TRIM49: variants seen among roughly 807,000 people sequenced by gnomAD.
The protein encoded by TRIM49 is tripartite motif-containing protein 49.
Under a neutral mutation model 27.4 loss-of-function variants are expected in TRIM49, and 5 were observed. That is an observed-to-expected ratio of 0.18 (90% CI 0.10 to 0.38). TRIM49 has a LOEUF of 0.38. TRIM49 is among the 10% of genes least tolerant of loss of function. TRIM49 has a pLI of 1.00. For synonymous variants in TRIM49, 69 were observed against 166.0 expected, an observed-to-expected ratio of 0.42 and a Z score of 4.49; for missense variants, 188 against 487.5, an observed-to-expected ratio of 0.39 and a Z score of 5.79.
At chr11:89,782,097 G>A in the TRIM49 span, 3 of 1,550,432 alleles carry the variant, frequency 1.9e-6, no homozygotes, top group Non-Finnish European at 2.6e-6. Flanking sequence ...CTGGGAGTCT[G>A]TCGAGATTCC....
the TRIM49 span, among the ~76,000 whole-genome samples, chr11:89,785,651 CAAT>C: frequency 1.4e-5 from 2 of 144,760 alleles, 1 homozygote; most frequent in African/African-American, 5.5e-5. Flanking sequence ...ATATAAATTA[CAAT>C]AATTAAAATT....
At chr11:89,807,458 C>T (rs1370860043) in intron 1 of TRIM49, among the ~76,000 whole-genome samples, 174 bp from the exon 2 acceptor site, 1 of 151,368 alleles carries the variant, frequency 6.6e-6, no homozygotes, top group Non-Finnish European at 1.5e-5. Context: ...AACATAAATC[C>T]TGTCAGAGCA....
chr11:89,800,750 A>T (rs1431716725), intron 6 of TRIM49, among the ~76,000 whole-genome samples: 1 of 151,014 alleles, frequency 6.6e-6, no homozygotes, highest in Admixed American at 6.6e-5. Context: ...CTCAAAAAAA[A>T]AACAAAAGCA....
At chr11:89,806,301 G>A (rs1462848436) in intron 2 of TRIM49, among the ~76,000 whole-genome samples, 3 of 150,812 alleles carry the variant, frequency 2.0e-5, no homozygotes, top group Non-Finnish European at 4.4e-5. Context: ...GCCCATGAAT[G>A]TATCTGCACA....
At chr11:89,803,524 A>G (rs1323756160) in intron 4 of TRIM49, among the ~76,000 whole-genome samples, 174 bp downstream of exon 4, 1 of 151,546 alleles carries the variant, frequency 6.6e-6, no homozygotes, top group African/African-American at 2.4e-5. Context: ...ATCCTACCTA[A>G]CAGGCATACT....
chr11:89,767,953 C>T, the TRIM49 span, among the ~76,000 whole-genome samples: 79 of 137,578 alleles, frequency 5.7e-4, 15 homozygotes, highest in African/African-American at 2.4e-3. Context: ...AATGGTTCTA[C>T]GTCCTAAAAA....
chr11:89,800,545 C>G (rs1454302795), intron 6 of TRIM49, among the ~76,000 whole-genome samples: 52 of 151,052 alleles, frequency 3.4e-4, no homozygotes, highest in East Asian at 3.3e-3. Flanking sequence ...AGATAGAGAC[C>G]ATCCTGGCTA....
the TRIM49 span, among the ~76,000 whole-genome samples, chr11:89,767,835 C>T: frequency 7.4e-6 from 1 of 136,004 alleles, no homozygotes; most frequent in East Asian, 2.1e-4. Context: ...TCAAATCAGT[C>T]ATTAACTGCA....
the TRIM49 span, among the ~76,000 whole-genome samples, chr11:89,785,248 A>G: frequency 6.9e-6 from 1 of 145,196 alleles, no homozygotes; most frequent in African/African-American, 2.7e-5. Flanking sequence ...AAATAAATAA[A>G]TAAATAAATA....
the TRIM49 span, among the ~76,000 whole-genome samples, chr11:89,792,542 G>C: frequency 6.6e-6 from 1 of 152,208 alleles, no homozygotes; most frequent in Non-Finnish European, 1.5e-5. Context: ...ATAACAAACT[G>C]TCTCTCAGAC....
the TRIM49 span, among the ~76,000 whole-genome samples, chr11:89,770,598 G>A: frequency 1.4e-5 from 2 of 142,210 alleles, no homozygotes; most frequent in Non-Finnish European, 1.5e-5. Flanking sequence ...GGTGGCTCAC[G>A]CCTGTAATCC....
the TRIM49 span, among the ~76,000 whole-genome samples, chr11:89,774,156 G>A: frequency 2.0e-5 from 3 of 150,166 alleles, no homozygotes; most frequent in Non-Finnish European, 2.9e-5. Context: ...GCCTGCCACC[G>A]AACTCGGCTA....
At chr11:89,784,582 A>G in the TRIM49 span, among the ~76,000 whole-genome samples, 2 of 134,732 alleles carry the variant, frequency 1.5e-5, 1 homozygote, top group Non-Finnish European at 3.1e-5. Flanking sequence ...AAGCGATCTG[A>G]GATGATAAAA....
At chr11:89,777,801 T>G in the TRIM49 span, 1 of 501,082 alleles carries the variant, frequency 2.0e-6, no homozygotes, top group Non-Finnish European at 3.4e-6. Context: ...CTTGGAAAAA[T>G]CTGACCGCTT....
intron 2 of TRIM49, among the ~76,000 whole-genome samples, chr11:89,804,772 A>T (rs1949774996): frequency 6.6e-6 from 1 of 151,378 alleles, no homozygotes. Context: ...TTGGGTTTTG[A>T]TTCTAAGTGG....
the TRIM49 span, among the ~76,000 whole-genome samples, chr11:89,790,803 A>AG: frequency 3.3e-5 from 5 of 151,688 alleles, no homozygotes; most frequent in South Asian, 8.3e-4. Context: ...TGGGGAAAAA[A>AG]CAGAGCAGAA....
the TRIM49 span, among the ~76,000 whole-genome samples, chr11:89,791,301 C>A: frequency 6.6e-6 from 1 of 152,148 alleles, no homozygotes; most frequent in African/African-American, 2.4e-5. Context: ...AGTATGGATA[C>A]GAGTTGGAAA....
the TRIM49 span, chr11:89,776,923 G>A: frequency 6.6e-7 from 1 of 1,518,884 alleles, no homozygotes; most frequent in Non-Finnish European, 8.8e-7. Flanking sequence ...CTTTTCATCG[G>A]GGCAAATAAA....
At chr11:89,800,120 C>T (rs1362289616) in intron 6 of TRIM49, among the ~76,000 whole-genome samples, 2 of 150,668 alleles carry the variant, frequency 1.3e-5, no homozygotes, top group African/African-American at 5.0e-5. Context: ...TCTTGGCAGA[C>T]TCCCCTGACA....
Sources: gnomAD v4.1 joint callset for allele counts (sites outside exome capture counted in the v4.1 genomes callset) on GRCh38, gnomAD v4.1.1 for gene constraint, MANE v1.5 for transcripts, NCBI Gene and HGNC (gene_info 2026-07-23, HGNC 2026-07-21) for gene names.